ABL1: variants seen among roughly 807,000 people sequenced by gnomAD.
ABL1 encodes the protein ABL proto-oncogene 1, non-receptor tyrosine kinase, also known as tyrosine-protein kinase ABL1.
Under a neutral mutation model 94.7 loss-of-function variants are expected in ABL1, and 11 were observed. The ratio of observed to expected loss-of-function variants is 0.12; its 90% confidence interval spans 0.07 to 0.19. The LOEUF is 0.19. Ranked by LOEUF, ABL1 falls within the 10% of genes least tolerant of loss-of-function variation. ABL1 has a pLI of 1.00. For missense variants in ABL1, 1,082 were observed against 1,489.4 expected (o/e 0.73, Z 4.50); for synonymous variants, 656 against 622.4 (o/e 1.05, Z -0.80).
chr9:130,758,285 C>G (rs1254464080), intron 1 of ABL1, among the ~76,000 whole-genome samples: 3 of 152,018 alleles, frequency 2.0e-5, no homozygotes, highest in African/African-American at 4.8e-5. Flanking sequence ...CTCAGCCTCC[C>G]GAGTAGCTGG....
chr9:130,793,051 G>A (rs1244636990), intron 1 of ABL1, among the ~76,000 whole-genome samples: 1 of 152,046 alleles, frequency 6.6e-6, no homozygotes, highest in African/African-American at 2.4e-5. Flanking sequence ...TCAGCCTCCC[G>A]AGTAGCTGGG....
Position 130,744,990 on chromosome 9 carries a change from A to G in ABL1, c.136+30535A>G, listed in dbSNP as rs948143578. Among the ~76,000 whole-genome samples the G allele has an allele frequency of 2.6e-5, 4 of 152,144 alleles. No homozygotes were observed. In the South Asian group the frequency reaches 8.3e-4, roughly 32 times the overall value. ...GTTTCATTCGAGGTTTTGGGGTAGA[A>G]TGTTTTTCAACTGTTTGCTTTTATC... On this transcript the variant is annotated intron_variant, in intron 1 of 10. Transcript: ENST00000372348.
chr9:130,743,421 C>T (rs2855162), intron 1 of ABL1, among the ~76,000 whole-genome samples: 28,833 of 152,098 alleles, frequency 0.19, 3,461 homozygotes, highest in Middle Eastern at 0.39. Flanking sequence ...CTAAGATGAC[C>T]CCCAGTGATT....
intron 1 of ABL1, among the ~76,000 whole-genome samples, chr9:130,801,817 TTC>T (rs1268957535): frequency 6.6e-6 from 1 of 152,188 alleles, no homozygotes; most frequent in Admixed American, 6.5e-5. Flanking sequence ...TACCTGCCCT[TTC>T]TCTCTCACTG....
upstream of ABL1, chr9:130,834,930 G>T (rs1364832209): frequency 2.2e-6 from 1 of 455,680 alleles, no homozygotes; most frequent in Non-Finnish European, 4.4e-6. Context: ...CGCCAAAAGC[G>T]GTGCAGGTTG....
intron 1 of ABL1, among the ~76,000 whole-genome samples, chr9:130,745,572 A>G (rs1457046974): frequency 6.6e-6 from 1 of 151,808 alleles, no homozygotes; most frequent in East Asian, 1.9e-4. Context: ...ATAACAGGAA[A>G]TGGAACCTCC....
At position 130,880,517 on chromosome 9, in the gene ABL1, G is replaced by A. The variant is rs1831433170; in HGVS notation, c.1531G>A (p.Gly511Arg). Residue 511 changes from glycine (G) to arginine (R), a missense_variant, in exon 10 of 11, where the codon GGG becomes AGG. This residue lies in a region of ABL1 where 76 missense variants were observed against 177.1 expected (regional missense o/e 0.43). Transcript: ENST00000318560. This position sits in a 1 kb window ranked among gnomAD's most constrained non-coding sequence, Gnocchi z 4.4. Reference sequence around the variant, plus strand: ...ATTCTTAGAAGTGGAAAAGGAGCTGGGGAAACAAGGCGTCCGTGGGGCTGT... The same window carrying A: ...ATTCTTAGAAGTGGAAAAGGAGCTGAGGAAACAAGGCGTCCGTGGGGCTGT... ...SISDEVEKELGKQGVRGAVST... is the reference protein window; with the variant it reads ...SISDEVEKELRKQGVRGAVST... 3 of 1,613,880 alleles carry A rather than the reference G, an allele frequency of 1.9e-6. No homozygotes were observed. The South Asian group carries it at 3.3e-5, about 18-fold the overall frequency.
chr9:130,788,883 C>T (rs988865686), intron 1 of ABL1, among the ~76,000 whole-genome samples: 7 of 152,154 alleles, frequency 4.6e-5, no homozygotes, highest in African/African-American at 1.2e-4. Context: ...GTCTTTCTGC[C>T]TGTCGTTAAT....
intron 1 of ABL1, among the ~76,000 whole-genome samples, chr9:130,822,287 A>G (rs1830372638): frequency 6.6e-6 from 1 of 152,200 alleles, no homozygotes. Flanking sequence ...GCTGTCTTAT[A>G]GTAAGTTTAT....
intron 1 of ABL1, among the ~76,000 whole-genome samples, chr9:130,800,781 C>T (rs1424143526): frequency 6.6e-6 from 1 of 151,954 alleles, no homozygotes; most frequent in Non-Finnish European, 1.5e-5. Flanking sequence ...CACAATTTAT[C>T]CATTTTACTA....
At chr9:130,849,311 TATTAA>T (rs1830821116) in intron 1 of ABL1, among the ~76,000 whole-genome samples, 1 of 152,202 alleles carries the variant, frequency 6.6e-6, no homozygotes, top group Non-Finnish European at 1.5e-5. Context: ...GTAAATCAGA[TATTAA>T]ATTCTTTATA....
At chr9:130,720,273 A>G in intron 1 of ABL1, among the ~76,000 whole-genome samples, 1 of 152,228 alleles carries the variant, frequency 6.6e-6, no homozygotes, top group East Asian at 1.9e-4. Flanking sequence ...GAAGAATAAC[A>G]TAGAGAAGGG....
chr9:130,875,133 C>T, intron 7 of ABL1, 81 bp downstream of exon 7: 2 of 1,420,434 alleles, frequency 1.4e-6, no homozygotes, highest in Non-Finnish European at 1.9e-6. Flanking sequence ...TCTTCCCTTT[C>T]TTTTCTTCCT....
intron 4 of ABL1, among the ~76,000 whole-genome samples, chr9:130,871,713 GT>G (rs1042315724): frequency 4.5e-4 from 68 of 152,344 alleles, no homozygotes; most frequent in African/African-American, 1.5e-3. Context: ...TTCAGGTGAT[GT>G]TTTTTAGGCT....
chr9:130,852,116 A>G (rs904700455), intron 1 of ABL1, among the ~76,000 whole-genome samples: 7 of 152,048 alleles, frequency 4.6e-5, no homozygotes, highest in African/African-American at 1.7e-4. Context: ...AAACATCATA[A>G]TGACATGATT....
chr9:130,782,937 C>T (rs1471031910), intron 1 of ABL1, among the ~76,000 whole-genome samples: 1 of 152,228 alleles, frequency 6.6e-6, no homozygotes, highest in East Asian at 1.9e-4. Flanking sequence ...TTAACACTTG[C>T]TATCTCTCTT....
chr9:130,885,995 G>C lies in ABL1; in HGVS notation c.*312G>C, dbSNP rs1192296853. 2.5e-6 allele frequency: 1 copy of C among 397,732 alleles called. No homozygotes were observed. Among genetic ancestry groups the C allele is most frequent in the African/African-American group, 2.0e-5 (1 of 50,162 alleles). 24.6% of individuals were successfully genotyped at this position (397,732 alleles called of 1,614,324 possible). A position where few individuals can be genotyped will look rare whatever the true frequency, so the allele number is the denominator to read the frequency against. Reference sequence around the variant, plus strand: ...CCGCTCCCACCTAGTGCCCCAGACTGAGCTCTCCAGGCCAGGTGGGAACGG... The same window carrying C: ...CCGCTCCCACCTAGTGCCCCAGACTCAGCTCTCCAGGCCAGGTGGGAACGG... On this transcript the variant is annotated 3_prime_UTR_variant, in exon 11 of 11. Transcript: ENST00000318560.
intron 1 of ABL1, among the ~76,000 whole-genome samples, chr9:130,732,794 T>C (rs1831683663): frequency 6.6e-6 from 1 of 151,434 alleles, no homozygotes; most frequent in Admixed American, 6.6e-5. Flanking sequence ...TTTTTTTCAC[T>C]GTGTCCGTCT....
chr9:130,862,975 G>A lies in ABL1; in HGVS notation c.762G>A (p.Gly254=), dbSNP rs1831100097. 1 of 1,614,190 alleles carries A rather than the reference G, an allele frequency of 6.2e-7. No homozygotes were observed. The highest frequency in any genetic ancestry group is 8.5e-7 in the Non-Finnish European group (1 of 1,180,032). Residue 254 remains glycine, a synonymous_variant, in exon 4 of 11, where the codon GGG becomes GGA. Transcript: ENST00000318560. The surrounding 1 kb of genome is among the most constrained non-coding windows in gnomAD (Gnocchi z 5.5). The part of the protein sequence containing the change: ...MKHKLGGGQY[G]EVYEGVWKKY... ...ACAAGCTGGGCGGGGGCCAGTACGGGGAGGTGTACGAGGGCGTGTGGAAGA... is the reference window on the plus strand; with the variant it reads ...ACAAGCTGGGCGGGGGCCAGTACGGAGAGGTGTACGAGGGCGTGTGGAAGA...
Sources: gnomAD v4.1 joint callset for allele counts (sites outside exome capture counted in the v4.1 genomes callset) on GRCh38, gnomAD v4.1.1 for gene constraint, gnomAD v4.1.1 regional missense constraint, Gnocchi (gnomAD v3.1) non-coding constraint, MANE v1.5 for transcripts, NCBI Gene and HGNC (gene_info 2026-07-23, HGNC 2026-07-21) for gene names.